PUDP: variants seen among roughly 807,000 people sequenced by gnomAD.
PUDP encodes the protein pseudouridine-5'-phosphatase.
Under a neutral mutation model 9.4 loss-of-function variants are expected in PUDP, and 8 were observed. The observed-to-expected ratio is 0.85, with a 90% confidence interval of 0.50 to 1.53. The LOEUF (loss-of-function observed/expected upper bound fraction) is 1.53. Among genes scored for constraint, PUDP ranks in the 40% most tolerant of loss-of-function variants. PUDP has a pLI of 0.00. For synonymous variants in PUDP, 99 were observed against 80.7 expected (o/e 1.23, Z -1.22); for missense variants, 188 against 189.7 (o/e 0.99, Z 0.05).
intron 3 of PUDP, among the ~76,000 whole-genome samples, chrX:6,905,284 C>T (rs769037424): frequency 3.6e-5 from 4 of 111,248 alleles, no homozygotes; most frequent in Non-Finnish European, 5.6e-5. Flanking sequence ...ATCACAGGTT[C>T]CTTAACCCTG....
intron 3 of PUDP, chrX:7,057,816 A>G: frequency 8.7e-7 from 1 of 1,144,909 alleles, no homozygotes; most frequent in Non-Finnish European, 1.2e-6. Flanking sequence ...AGGTCTATGG[A>G]TGGAGCTCTA....
At chrX:6,881,320 T>C (rs1927343252) in intron 3 of PUDP, among the ~76,000 whole-genome samples, 1 of 112,107 alleles carries the variant, frequency 8.9e-6, no homozygotes, top group African/African-American at 3.2e-5. Context: ...ATCTTATAAG[T>C]AAAGACTGTA....
At chrX:6,940,326 G>A (rs1235648767) in intron 3 of PUDP, among the ~76,000 whole-genome samples, 3 of 112,800 alleles carry the variant, frequency 2.7e-5, no homozygotes, top group African/African-American at 6.4e-5. Context: ...TGGCGACAAG[G>A]ACCATATGGC....
chrX:6,812,358 C>T (rs1406301019), intron 3 of PUDP, among the ~76,000 whole-genome samples: 1 of 111,824 alleles, frequency 8.9e-6, no homozygotes, highest in African/African-American at 3.3e-5. Context: ...TCTTAAGTGA[C>T]TTGAAAGTTC....
chrX:6,790,574 A>G (rs1291069161), intron 3 of PUDP, among the ~76,000 whole-genome samples: 1 of 112,708 alleles, frequency 8.9e-6, no homozygotes, highest in African/African-American at 3.2e-5. Flanking sequence ...TAATACATAC[A>G]TTTCAACATA....
intron 1 of PUDP, among the ~76,000 whole-genome samples, chrX:7,119,191 GGGA>G (rs1235676048): frequency 3.6e-5 from 4 of 112,670 alleles, no homozygotes; most frequent in Non-Finnish European, 7.5e-5. Context: ...AGTATGAGAA[GGGA>G]GAAGACACGG....
chrX:7,046,865 A>C (rs1929989333), downstream of PUDP, among the ~76,000 whole-genome samples: 1 of 112,511 alleles, frequency 8.9e-6, no homozygotes, highest in South Asian at 3.7e-4. Context: ...AATAATTATT[A>C]ACATTTTGGT....
intron 3 of PUDP, among the ~76,000 whole-genome samples, chrX:6,739,626 A>G (rs766526573): frequency 8.9e-6 from 1 of 112,038 alleles, no homozygotes; most frequent in Non-Finnish European, 1.9e-5. Context: ...CCTGATGTCA[A>G]TAGTGTCAAG....
chrX:6,837,305 C>G (rs1031838443), intron 3 of PUDP, among the ~76,000 whole-genome samples: 2 of 112,501 alleles, frequency 1.8e-5, no homozygotes, highest in African/African-American at 6.5e-5. Flanking sequence ...GATCTGCTAT[C>G]ACATCAGACA....
intron 3 of PUDP, among the ~76,000 whole-genome samples, chrX:6,876,892 CATAT>C (rs928866138): frequency 9.3e-6 from 1 of 107,912 alleles, no homozygotes; most frequent in Admixed American, 1.0e-4. Flanking sequence ...GACACATATA[CATAT>C]AGACATATAT....
intron 3 of PUDP, among the ~76,000 whole-genome samples, chrX:6,850,841 G>T (rs1028906210): frequency 8.9e-6 from 1 of 111,745 alleles, no homozygotes; most frequent in African/African-American, 3.2e-5. Context: ...ACATTAATCT[G>T]AGGTTAACCC....
chrX:6,922,399 T>A (rs1861261888), intron 3 of PUDP, among the ~76,000 whole-genome samples: 1 of 111,288 alleles, frequency 9.0e-6, no homozygotes, highest in African/African-American at 3.3e-5. Context: ...CCCACAAAAA[T>A]TTTTTAAATT....
chrX:6,840,184 C>T (rs1378527161), intron 3 of PUDP, among the ~76,000 whole-genome samples: 1 of 111,745 alleles, frequency 8.9e-6, no homozygotes, highest in Non-Finnish European at 1.9e-5. Flanking sequence ...TCCCCTTTTG[C>T]TTTGCTCTCA....
At chrX:7,067,930 G>A (rs1287528243) in intron 3 of PUDP, among the ~76,000 whole-genome samples, 1 of 111,330 alleles carries the variant, frequency 9.0e-6, no homozygotes, top group East Asian at 2.8e-4. Context: ...GAGATTCCCT[G>A]CATAAGCTCT....
chrX:6,897,839 C>T (rs1927614881), intron 3 of PUDP, among the ~76,000 whole-genome samples: 1 of 111,326 alleles, frequency 9.0e-6, no homozygotes, highest in South Asian at 3.8e-4. Flanking sequence ...CTTCCTGATA[C>T]TATCACCTTA....
intron 3 of PUDP, among the ~76,000 whole-genome samples, chrX:6,750,030 G>C (rs1323703381): frequency 8.9e-6 from 1 of 111,980 alleles, no homozygotes; most frequent in South Asian, 3.7e-4. Context: ...GAACGTATTT[G>C]GGGAGATGAG....
chrX:6,860,343 TTTCCCAGGGTC>T (rs1280165525), intron 3 of PUDP, among the ~76,000 whole-genome samples: 1 of 110,981 alleles, frequency 9.0e-6, no homozygotes, highest in Non-Finnish European at 1.9e-5. Context: ...TGTCACTATG[TTTCCCAGGGTC>T]ATCTAAAACT....
chrX:6,781,319 T>C (rs1602616806), intron 3 of PUDP, among the ~76,000 whole-genome samples: 1 of 111,957 alleles, frequency 8.9e-6, no homozygotes, highest in East Asian at 2.8e-4. Flanking sequence ...TCTCAAGGGA[T>C]ACGCATCTAA....
chrX:7,110,883 A>G (rs1439067027), intron 1 of PUDP, among the ~76,000 whole-genome samples: 1 of 111,446 alleles, frequency 9.0e-6, no homozygotes, highest in Admixed American at 9.5e-5. Flanking sequence ...AGTGTCATCC[A>G]TTAAGGCAGG....
Sources: gnomAD v4.1 joint callset for allele counts (sites outside exome capture counted in the v4.1 genomes callset) on GRCh38, gnomAD v4.1.1 for gene constraint, MANE v1.5 for transcripts, NCBI Gene and HGNC (gene_info 2026-07-23, HGNC 2026-07-21) for gene names.